RSF1: variants seen among roughly 807,000 people sequenced by gnomAD.
RSF1 encodes remodeling and spacing factor 1.
In RSF1, 13 loss-of-function variants were observed where a neutral mutation model predicts 145.2. That is an observed-to-expected ratio of 0.09 (90% confidence interval 0.06 to 0.14). The LOEUF is 0.14. Among genes scored for constraint, RSF1 ranks in the 10% least tolerant of loss-of-function variants. RSF1 has a pLI of 1.00. For synonymous variants in RSF1, 577 were observed against 592.6 expected (o/e 0.97, Z 0.38); for missense variants, 1,517 against 1,718.2 (o/e 0.88, Z 2.07).
At chr11:77,694,217 CT>C (rs1960229934) in intron 7 of RSF1, among the ~76,000 whole-genome samples, 1 of 152,188 alleles carries the variant, frequency 6.6e-6, no homozygotes, top group Non-Finnish European at 1.5e-5. Context: ...CAACATATTC[CT>C]TATAACAAAG....
chr11:77,767,953 G>C (rs1361868281), intron 1 of RSF1, among the ~76,000 whole-genome samples: 2 of 152,094 alleles, frequency 1.3e-5, no homozygotes, highest in Admixed American at 1.3e-4. Flanking sequence ...TGTTGATTTA[G>C]GCATGTACAA....
Position 77,667,623 on chromosome 11 carries a change from T to C in RSF1, c.3752-132A>G, listed in dbSNP as rs190970450. The C allele has an allele frequency of 1.7e-4, 123 of 726,100 alleles. No homozygotes were observed. The Admixed American group carries it at 2.3e-3, about 13-fold the overall frequency. The allele number at this position is 726,100 out of a possible 1,614,324, so 45.0% of individuals were successfully genotyped here. A position where few individuals can be genotyped will look rare whatever the true frequency, so the allele number is the denominator to read the frequency against. The stretch of plus-strand genomic sequence containing the variant: ...GTACCTAAATGTTTCCTTTCAATAA[T>C]TGGCCTGATTTCTCTCTTCTCAGTC... On this transcript the variant is annotated intron_variant, in intron 15 of 15. Transcript: ENST00000308488.
the RSF1 span, among the ~76,000 whole-genome samples, chr11:77,827,595 A>C: frequency 6.6e-6 from 1 of 152,228 alleles, no homozygotes; most frequent in East Asian, 1.9e-4. Context: ...CATGTTAAAA[A>C]TAATAAACTA....
chr11:77,690,764 A>G (rs1960132400), intron 9 of RSF1, among the ~76,000 whole-genome samples: 1 of 152,240 alleles, frequency 6.6e-6, no homozygotes, highest in African/African-American at 2.4e-5. Flanking sequence ...CATTTCCTAT[A>G]AAAGGAAAGA....
intron 4 of RSF1, among the ~76,000 whole-genome samples, chr11:77,730,285 T>G (rs542552229): frequency 6.6e-6 from 1 of 152,312 alleles, no homozygotes; most frequent in East Asian, 1.9e-4. Flanking sequence ...ATTCATACAG[T>G]TTGTAATTAT....
chr11:77,747,280 T>C (rs1389509107), intron 2 of RSF1, 152 bp from the exon 3 acceptor site: 20 of 521,918 alleles, frequency 3.8e-5, no homozygotes, highest in Non-Finnish European at 6.9e-5. Context: ...AAATGCATAC[T>C]ACTTAAAATG....
intron 2 of RSF1, among the ~76,000 whole-genome samples, chr11:77,749,024 A>G (rs1948032441): frequency 6.6e-6 from 1 of 152,238 alleles, no homozygotes; most frequent in South Asian, 2.1e-4. Flanking sequence ...ACAAGGCTTG[A>G]AAACATGTTA....
chr11:77,790,604 T>C (rs1026772649), intron 1 of RSF1, among the ~76,000 whole-genome samples: 3 of 152,184 alleles, frequency 2.0e-5, no homozygotes, highest in East Asian at 1.9e-4. Flanking sequence ...CTTCTGCCTA[T>C]GAGTCTGTAA....
chr11:77,828,145 C>T, the RSF1 span, among the ~76,000 whole-genome samples: 13 of 151,864 alleles, frequency 8.6e-5, no homozygotes, highest in South Asian at 2.1e-4. Flanking sequence ...CATGGTGATG[C>T]GCACCTGTAA....
Position 77,667,252 on chromosome 11 carries a change from G to A in RSF1, c.3991C>T (p.Pro1331Ser), listed in dbSNP as rs1236810932. The change falls in exon 16 of 16, where the codon CCC (proline) becomes TCC (serine). Residue 1331 changes from proline to serine, a missense_variant. Physicochemically the swap from Pro to Ser is moderately conservative, Grantham distance 74. This residue lies in a region of RSF1 where 240 missense variants were observed against 231.8 expected (regional missense o/e 1.04). Coordinates refer to ENST00000308488, the MANE Select transcript of RSF1 (RefSeq NM_016578.4). ...TTCTTGGTGCTCTCTTGTTCTGAGG[G>A]CAGGACCCTAGGCTGGCTGTCACGG... ...PARDSQPRVLPSEQESTKKPY... is the reference protein window; with the variant it reads ...PARDSQPRVLSSEQESTKKPY... 6 of 1,614,008 alleles carry A rather than the reference G, an allele frequency of 3.7e-6. No homozygotes were observed. Among genetic ancestry groups the A allele is most frequent in the Non-Finnish European group, 4.2e-6 (5 of 1,180,030 alleles).
intron 5 of RSF1, among the ~76,000 whole-genome samples, chr11:77,716,724 C>G (rs1434696865): frequency 1.3e-5 from 2 of 152,138 alleles, no homozygotes; most frequent in African/African-American, 2.4e-5. Context: ...GTACTGTATA[C>G]CTGAAAATTG....
intron 15 of RSF1, among the ~76,000 whole-genome samples, chr11:77,670,576 G>A (rs1456157097): frequency 6.6e-6 from 1 of 151,854 alleles, no homozygotes; most frequent in Non-Finnish European, 1.5e-5. Context: ...TATTTTGTTT[G>A]CTGTTATATT....
chr11:77,806,237 A>T (rs1448732303), intron 1 of RSF1, among the ~76,000 whole-genome samples: 1 of 152,104 alleles, frequency 6.6e-6, no homozygotes, highest in Admixed American at 6.6e-5. Context: ...AAAAAAAAAA[A>T]GGTAAATAAC....
intron 3 of RSF1, 106 bp downstream of exon 3, chr11:77,746,930 C>T: frequency 3.0e-6 from 2 of 656,250 alleles, no homozygotes; most frequent in South Asian, 2.0e-5. Context: ...TTGTCCTCTT[C>T]TGCTAATAAT....
At chr11:77,871,672 A>G in the RSF1 span, among the ~76,000 whole-genome samples, 1 of 152,222 alleles carries the variant, frequency 6.6e-6, no homozygotes, top group Admixed American at 6.5e-5. Flanking sequence ...GACTTTAAAG[A>G]GCTAGCCTAA....
chr11:77,672,049 C>A lies in RSF1; in HGVS notation c.3744G>T (p.Glu1248Asp), dbSNP rs776591286. 2 of 1,610,246 alleles carry A rather than the reference C, an allele frequency of 1.2e-6. No individual in the cohort carries two copies. Among genetic ancestry groups the A allele is most frequent in the South Asian group, 2.2e-5 (2 of 89,764 alleles). The change falls in exon 15 of 16, where the codon GAG becomes GAT. Residue 1248 changes from glutamate (E) to aspartate (D), a missense_variant. Physicochemically the swap from Glu to Asp is conservative, Grantham distance 45 (BLOSUM62 2). Around this residue, in one of 12 missense-constraint regions of RSF1, gnomAD observed 240 missense variants for 231.8 expected, o/e 1.04. Coordinates refer to ENST00000308488, the MANE Select transcript of RSF1 (RefSeq NM_016578.4). ...AGGAGACCTATGCCTTACCTTCACT[C>A]TCTGAGCTGGAAAGTCTTCGCTTGT... ...RVHKRRLSSSESEESYLSKNS... is the reference protein window; with the variant it reads ...RVHKRRLSSSDSEESYLSKNS...
chr11:77,788,142 C>CAAA (rs66595170), intron 1 of RSF1, among the ~76,000 whole-genome samples: 82 of 3,428 alleles, frequency 0.024, 27 homozygotes, highest in Non-Finnish European at 0.054. Flanking sequence ...GACACTATCT[C>CAAA]AAAAAAAAAA....
At chr11:77,784,475 C>T (rs1481173328) in intron 1 of RSF1, among the ~76,000 whole-genome samples, 1 of 151,702 alleles carries the variant, frequency 6.6e-6, no homozygotes, top group Non-Finnish European at 1.5e-5. Flanking sequence ...GAATCTGCTT[C>T]TTTGGGTTCA....
chr11:77,676,888 G>A lies in RSF1; in HGVS notation c.3245C>T (p.Ala1082Val), dbSNP rs138105030. 1 of 1,614,108 alleles carries A rather than the reference G, an allele frequency of 6.2e-7. No homozygotes were observed. The highest frequency in any genetic ancestry group is 1.1e-5 in the South Asian group (1 of 91,072). ...KENKRPQRAA[A>V]ARRKKRRRLN... ...TCGCCGGCGTTTCTTCCTTCGAGCA[G>A]CAGCTGCCCTCTGGGGTCGTTTATT... The change falls in exon 13 of 16, where the codon GCT (alanine) becomes GTT (valine). Residue 1082 changes from alanine to valine, a missense_variant. Ala to Val is a moderately conservative substitution (Grantham distance 64, BLOSUM62 0). Coordinates refer to ENST00000308488, the MANE Select transcript of RSF1 (RefSeq NM_016578.4).
Sources: gnomAD v4.1 joint callset for allele counts (sites outside exome capture counted in the v4.1 genomes callset) on GRCh38, gnomAD v4.1.1 for gene constraint, gnomAD v4.1.1 regional missense constraint, MANE v1.5 for transcripts, NCBI Gene and HGNC (gene_info 2026-07-23, HGNC 2026-07-21) for gene names.